Variants in CBR4 observed in about 807,000 individuals in gnomAD.
The protein encoded by CBR4 is carbonyl reductase 4.
In CBR4, 22 loss-of-function variants were observed where a neutral mutation model predicts 21.0. The ratio of observed to expected loss-of-function variants is 1.05; its 90% CI spans 0.75 to 1.50. The LOEUF (loss-of-function observed/expected upper bound fraction) is 1.50. Among genes scored for constraint, CBR4 ranks in the 40% most tolerant of loss-of-function variants. The pLI is 0.00. For synonymous variants in CBR4, 100 were observed against 104.4 expected, an observed-to-expected ratio of 0.96 and a Z score of 0.26; for missense variants, 302 against 286.3, an observed-to-expected ratio of 1.05 and a Z score of -0.40.
chr4:168,898,232 A>G (rs901578177), intron 2 of CBR4: 34 of 503,150 alleles, frequency 6.8e-5, no homozygotes, highest in Non-Finnish European at 1.1e-4. Context: ...CCCTCGCCTC[A>G]GAGAAAAGAA....
intron 2 of CBR4, among the ~76,000 whole-genome samples, chr4:168,942,311 T>A (rs1763286518): frequency 6.6e-6 from 1 of 152,040 alleles, no homozygotes; most frequent in African/African-American, 2.4e-5. Context: ...GATGATGGGT[T>A]GATAGGTGCA....
At chr4:168,955,981 TTAAG>T (rs915036818) in intron 2 of CBR4, among the ~76,000 whole-genome samples, 5 of 152,110 alleles carry the variant, frequency 3.3e-5, no homozygotes, top group African/African-American at 1.2e-4. Context: ...AACTGACCCC[TTAAG>T]TAAGGGGATT....
At chr4:168,986,534 G>A (rs975364450), downstream of CBR4, among the ~76,000 whole-genome samples, 1 of 152,120 alleles carries the variant, frequency 6.6e-6, no homozygotes, top group African/African-American at 2.4e-5. Context: ...CAGAAACTTC[G>A]AGTTCGGTTT....
intron 2 of CBR4, among the ~76,000 whole-genome samples, chr4:168,912,487 C>CA (rs1403982090): frequency 6.6e-6 from 1 of 152,164 alleles, no homozygotes; most frequent in Non-Finnish European, 1.5e-5. Flanking sequence ...AGGGCTGAAA[C>CA]AAAAACCAAA....
chr4:168,975,733 G>C lies in CBR4; in HGVS notation n.169+26338C>G, dbSNP rs896738629. 7.2e-5 allele frequency among the ~76,000 whole-genome samples: 11 copies of C among 152,268 alleles called. No homozygotes were observed. The East Asian group carries it at 2.1e-3, about 29-fold the overall frequency. On this transcript the variant is annotated intron_variant and non_coding_transcript_variant, in intron 2 of 3. Coordinates refer to the CBR4 transcript ENST00000509108. ...TGGGGGCAGGGTTAGGCAGGTCTGA[G>C]CTCAGATTCTCCCTGGGCGGGACTT...
At chr4:168,921,878 G>A in intron 2 of CBR4, 2 of 760,820 alleles carry the variant, frequency 2.6e-6, no homozygotes, top group Non-Finnish European at 4.6e-6. Context: ...TAGCCAATGA[G>A]GACATGGTTA....
chr4:168,957,911 C>T (rs965710506), intron 2 of CBR4, among the ~76,000 whole-genome samples: 6 of 152,122 alleles, frequency 3.9e-5, no homozygotes, highest in Non-Finnish European at 8.8e-5. Flanking sequence ...GTTTTCCCTG[C>T]CTACACTCAG....
chr4:168,990,354 GA>G, intron 4 of CBR4, 26 bp from the exon 5 acceptor site: 3 of 1,551,238 alleles, frequency 1.9e-6, no homozygotes, highest in South Asian at 1.2e-5. Flanking sequence ...TTGTTTAGTT[GA>G]AAAGGGTACA....
At chr4:168,923,322 A>G (rs1761951087) in intron 2 of CBR4, among the ~76,000 whole-genome samples, 1 of 152,126 alleles carries the variant, frequency 6.6e-6, no homozygotes, top group Admixed American at 6.5e-5. Context: ...TTCAGGTAGA[A>G]TTTTCATCCT....
chr4:168,990,371 A>G, intron 4 of CBR4, 43 bp from the exon 5 acceptor site: 1 of 1,394,972 alleles, frequency 7.2e-7, no homozygotes, highest in East Asian at 2.7e-5. Flanking sequence ...GTACACACTA[A>G]GACATCTGCT....
rs1031450216 is a variant in CBR4 at position 168,999,734 on chromosome 4, T to C, written c.535+2337A>G. ...ACAATCTTAAAACTTCCCCTTAGTA[T>C]GCAAACTGGATTCCCACTATTTAGT... On this transcript the variant is annotated intron_variant, in intron 4 of 4. Coordinates refer to ENST00000306193, the MANE Select transcript of CBR4 (RefSeq NM_032783.5). Among the ~76,000 whole-genome samples the C allele has an allele frequency of 1.4e-4, 21 of 152,008 alleles. 1 individual carries two copies. Among genetic ancestry groups the C allele is most frequent in the Non-Finnish European group, 1.5e-5 (1 of 67,988 alleles).
At chr4:168,934,425 CAA>C (rs1215719934) in intron 2 of CBR4, among the ~76,000 whole-genome samples, 10 of 146,246 alleles carry the variant, frequency 6.8e-5, no homozygotes, top group Non-Finnish European at 1.5e-4. Flanking sequence ...AAAAAATAAA[CAA>C]AATCAACTAG....
intron 2 of CBR4, among the ~76,000 whole-genome samples, chr4:168,908,929 A>G (rs1287392752): frequency 1.3e-5 from 2 of 152,230 alleles, no homozygotes; most frequent in Non-Finnish European, 2.9e-5. Context: ...TGGGAATAAG[A>G]AAAACATTAG....
chr4:168,914,016 C>T (rs1475977045), intron 2 of CBR4: 4 of 1,582,480 alleles, frequency 2.5e-6, no homozygotes, highest in Non-Finnish European at 3.5e-6. Context: ...ATCCTCATGT[C>T]AGAAGGTATT....
intron 2 of CBR4, among the ~76,000 whole-genome samples, chr4:168,901,900 G>C (rs1560888274): frequency 1.3e-5 from 2 of 152,026 alleles, no homozygotes; most frequent in Non-Finnish European, 2.9e-5. Context: ...TAATTATGAA[G>C]TATGATACTT....
intron 4 of CBR4, among the ~76,000 whole-genome samples, chr4:168,996,451 T>C (rs923404428): frequency 1.4e-5 from 2 of 140,998 alleles, no homozygotes; most frequent in African/African-American, 2.6e-5. Flanking sequence ...CATCTTACCT[T>C]AGTGTGGCAC....
At chr4:169,007,576 A>G (rs201009471) in intron 2 of CBR4, 60 bp downstream of exon 2, 1 of 1,047,264 alleles carries the variant, frequency 9.5e-7, no homozygotes, top group Non-Finnish European at 1.3e-6. Context: ...AATCAAAGAC[A>G]TATTAGGAAT....
At chr4:169,006,325 ACCT>A (rs1730908756) in intron 3 of CBR4, among the ~76,000 whole-genome samples, 1 of 151,826 alleles carries the variant, frequency 6.6e-6, no homozygotes, top group Non-Finnish European at 1.5e-5. Context: ...ACATAGTGTG[ACCT>A]CGTCTCTATT....
intron 2 of CBR4, among the ~76,000 whole-genome samples, chr4:168,905,360 G>A (rs565726851): frequency 1.3e-4 from 20 of 151,572 alleles, no homozygotes; most frequent in African/African-American, 4.6e-4. Context: ...ATGTTAGCCA[G>A]GATGGTCTCG....
Sources: allele counts gnomAD v4.1 joint callset (sites outside exome capture counted in the v4.1 genomes callset), GRCh38; gene constraint gnomAD v4.1.1; transcripts MANE v1.5; gene names NCBI Gene and HGNC (gene_info 2026-07-23, HGNC 2026-07-21).